Variants in TBCB observed in about 807,000 individuals in gnomAD.
The protein encoded by TBCB is tubulin folding cofactor B.
Under a neutral mutation model 29.2 loss-of-function variants are expected in TBCB, and 18 were observed. That is an observed-to-expected ratio of 0.62 (90% confidence interval 0.43 to 0.91). The LOEUF (loss-of-function observed/expected upper bound fraction) is 0.91, where lower values mean the gene tolerates loss of function less well. Ranked by LOEUF, TBCB falls within the 40% of genes least tolerant of loss-of-function variation. The pLI, the probability that TBCB is intolerant of heterozygous loss-of-function variation, is 0.00. For synonymous variants in TBCB, 172 were observed against 137.8 expected, an observed-to-expected ratio of 1.25 and a Z score of -1.74; for missense variants, 336 against 337.6, an observed-to-expected ratio of 1.00 and a Z score of 0.04.
chr19:36,124,068 C>T (rs1215682991), intron 4 of TBCB, among the ~76,000 whole-genome samples: 1 of 152,106 alleles, frequency 6.6e-6, no homozygotes, highest in African/African-American at 2.4e-5. Flanking sequence ...TCATCCTCAC[C>T]AGCACTTTAG....
rs925530750 is a variant in TBCB at position 36,121,603 on chromosome 19, G to A, written c.432G>A (p.Glu144=). 5 of 1,554,690 alleles carry A rather than the reference G, an allele frequency of 3.2e-6. No individual in the cohort carries two copies. The African/African-American group carries it at 6.8e-5, about 21-fold the overall frequency. Reference sequence around the variant, plus strand: ...AGGAGCGGGCTCAGCAGGAGGCCGAGGCCGCCCAGCGCCTGGCCGAGGAGA... The same window carrying A: ...AGGAGCGGGCTCAGCAGGAGGCCGAAGCCGCCCAGCGCCTGGCCGAGGAGA... The part of the protein sequence containing the change: ...NEEERAQQEA[E]AAQRLAEEKA... Residue 144 remains glutamate (E), a synonymous_variant, in exon 4 of 6, where the codon GAG becomes GAA. Transcript: ENST00000221855.
Position 36,125,664 on chromosome 19 carries a change from G to T in TBCB, c.621-4G>T. The T allele has an allele frequency of 1.3e-6, 2 of 1,585,990 alleles. No homozygotes were observed. Among genetic ancestry groups the T allele is most frequent in the Non-Finnish European group, 1.7e-6 (2 of 1,163,794 alleles). Reference sequence around the variant, plus strand: ...ACCACACCCACCCCTATCCTTTCCTGCAGTGTGAATGGGAAACGCTACTTC... The same window carrying T: ...ACCACACCCACCCCTATCCTTTCCTTCAGTGTGAATGGGAAACGCTACTTC... On this transcript the variant is annotated splice_polypyrimidine_tract_variant and splice_region_variant and intron_variant, in intron 5 of 5. Transcript: ENST00000221855.
intron 2 of TBCB, 110 bp from the exon 3 acceptor site, chr19:36,120,600 G>A (rs1394935777): frequency 5.8e-6 from 5 of 858,330 alleles, no homozygotes; most frequent in Middle Eastern, 3.4e-4. Context: ...CAGTACAGGC[G>A]AGGGAGGGAG....
intron 4 of TBCB, 44 bp from the exon 5 acceptor site, chr19:36,125,407 T>G: frequency 6.2e-7 from 1 of 1,605,598 alleles, no homozygotes. Context: ...TGGGGATTTC[T>G]TCTATGTCCA....
intron 3 of TBCB, 33 bp from the exon 4 acceptor site, chr19:36,121,493 CA>C: frequency 6.5e-7 from 1 of 1,534,520 alleles, no homozygotes. Flanking sequence ...GCCCGGCCGA[CA>C]CCCCAACTGA....
At chr19:36,122,712 CCACTG>C (rs1974075984) in intron 4 of TBCB, among the ~76,000 whole-genome samples, 1 of 149,818 alleles carries the variant, frequency 6.7e-6, no homozygotes, top group African/African-American at 2.5e-5. Context: ...TATGATCGCA[CCACTG>C]CACTGCAGCC....
At chr19:36,122,896 A>G (rs1403583934) in intron 4 of TBCB, among the ~76,000 whole-genome samples, 4 of 152,046 alleles carry the variant, frequency 2.6e-5, no homozygotes, top group African/African-American at 9.7e-5. Flanking sequence ...TAATTTTTCA[A>G]CCCTCACCAC....
At chr19:36,119,462 C>T (rs984133199) in intron 2 of TBCB, among the ~76,000 whole-genome samples, 4 of 152,202 alleles carry the variant, frequency 2.6e-5, no homozygotes, top group East Asian at 1.9e-4. Context: ...CCCCCAACCT[C>T]GCCATCCCGG....
intron 2 of TBCB, chr19:36,116,690 C>T (rs1191460520): frequency 1.3e-5 from 2 of 152,580 alleles, no homozygotes; most frequent in African/African-American, 4.8e-5. Context: ...AGTGCAGTGG[C>T]ACTATCGGGC....
chr19:36,125,056 C>T (rs1380686975), intron 4 of TBCB, among the ~76,000 whole-genome samples: 2 of 152,170 alleles, frequency 1.3e-5, no homozygotes, highest in African/African-American at 2.4e-5. Context: ...CAAAGTACCA[C>T]TCACTGAGCA....
chr19:36,122,495 G>A (rs1199921223), intron 4 of TBCB, among the ~76,000 whole-genome samples: 1 of 151,104 alleles, frequency 6.6e-6, no homozygotes, highest in East Asian at 1.9e-4. Context: ...AGCACTTTGG[G>A]AGGCTGAGAC....
intron 2 of TBCB, among the ~76,000 whole-genome samples, chr19:36,117,418 C>T (rs1335982829): frequency 6.6e-6 from 1 of 152,188 alleles, no homozygotes; most frequent in East Asian, 1.9e-4. Context: ...GATCTCAGCT[C>T]ACTGCAACCT....
Position 36,125,867 on chromosome 19 carries a change from C to A in TBCB, c.*85C>A. 1 of 966,836 alleles carries A rather than the reference C, an allele frequency of 1.0e-6. No individual in the cohort carries two copies. 59.9% of individuals were successfully genotyped at this position (966,836 alleles called of 1,614,324 possible). Reference sequence around the variant, plus strand: ...GTGCCCATGGCCCTTTTCTCCTGACCCCATTTTAATTTTATTCATTTTTTC... The same window carrying A: ...GTGCCCATGGCCCTTTTCTCCTGACACCATTTTAATTTTATTCATTTTTTC... On this transcript the variant is annotated 3_prime_UTR_variant, in exon 6 of 6. Coordinates refer to ENST00000221855, the MANE Select transcript of TBCB (RefSeq NM_001281.3).
At chr19:36,116,514 G>C in intron 2 of TBCB, 1 of 268,926 alleles carries the variant, frequency 3.7e-6, no homozygotes, top group Non-Finnish European at 7.2e-6. Context: ...GGAAAGGAGG[G>C]AGCAGGGTGT....
intron 4 of TBCB, among the ~76,000 whole-genome samples, chr19:36,124,616 T>A (rs1394575413): frequency 6.6e-6 from 1 of 151,878 alleles, no homozygotes; most frequent in Non-Finnish European, 1.5e-5. Flanking sequence ...CTCAGCTCGC[T>A]CGTTCCAACC....
rs749008755 is a variant in TBCB at position 36,116,169 on chromosome 19, C to G, written c.243C>G (p.Asp81Glu). Reference protein sequence around the residue: ...DALLGSYPVDDGCRIHVIDHS... With the variant: ...DALLGSYPVDEGCRIHVIDHS... ...TCCTGGGCTCCTACCCTGTAGATGACGGCTGCCGCATCCACGTGAGGACTC... is the reference window on the plus strand; with the variant it reads ...TCCTGGGCTCCTACCCTGTAGATGAGGGCTGCCGCATCCACGTGAGGACTC... Residue 81 changes from aspartate to glutamate, a missense_variant, in exon 2 of 6, where the codon GAC becomes GAG. Asp to Glu is a conservative substitution (Grantham distance 45, BLOSUM62 2). Transcript: ENST00000221855. 6.2e-7 allele frequency: 1 copy of G among 1,613,894 alleles called. No individual in the cohort carries two copies. Among genetic ancestry groups the G allele is most frequent in the South Asian group, 1.1e-5 (1 of 91,072 alleles).
At chr19:36,124,833 G>A (rs1034601159) in intron 4 of TBCB, among the ~76,000 whole-genome samples, 2 of 152,176 alleles carry the variant, frequency 1.3e-5, no homozygotes, top group African/African-American at 4.8e-5. Context: ...GTGAGCCACC[G>A]CACCCGGCCA....
intron 2 of TBCB, among the ~76,000 whole-genome samples, chr19:36,120,113 G>A (rs1599864216): frequency 6.6e-6 from 1 of 152,126 alleles, no homozygotes; most frequent in South Asian, 2.1e-4. Flanking sequence ...CCTCTTCCCT[G>A]TCATATTTTT....
chr19:36,121,962 C>CTAGAGG (rs1974062245), intron 4 of TBCB: 1 of 593,634 alleles, frequency 1.7e-6, no homozygotes, highest in Middle Eastern at 4.6e-4. Flanking sequence ...GAAGCAGAAG[C>CTAGAGG]CAGAGGCACG....
Sources: gnomAD v4.1 joint callset for allele counts (sites outside exome capture counted in the v4.1 genomes callset) on GRCh38, gnomAD v4.1.1 for gene constraint, MANE v1.5 for transcripts, NCBI Gene and HGNC (gene_info 2026-07-23, HGNC 2026-07-21) for gene names.